Variants in BPTF observed in about 807,000 individuals in gnomAD.
The protein encoded by BPTF is nucleosome-remodeling factor subunit BPTF.
A neutral mutation model predicts 292.5 loss-of-function variants in BPTF; 18 were observed. The observed-to-expected ratio is 0.06, with a 90% CI of 0.04 to 0.09. The LOEUF (loss-of-function observed/expected upper bound fraction) is 0.09, where lower values mean the gene tolerates loss of function less well. Among genes scored for constraint, BPTF ranks in the 10% least tolerant of loss-of-function variants. The probability of loss-of-function intolerance (pLI) is 1.00; values close to 1 mark genes in which losing one functional copy is unlikely to be tolerated. For missense variants in BPTF, 2,726 were observed against 3,498.7 expected (o/e 0.78, Z 5.57); for synonymous variants, 1,225 against 1,251.9 (o/e 0.98, Z 0.45).
intron 2 of BPTF, among the ~76,000 whole-genome samples, chr17:67,863,528 C>T (rs1441532985): frequency 6.6e-6 from 1 of 152,222 alleles, no homozygotes; most frequent in Non-Finnish European, 1.5e-5. Context: ...TTGTGATCTG[C>T]CCGCCTTGGC....
Position 67,945,511 on chromosome 17 carries a change from C to T in BPTF, c.6803C>T (p.Ala2268Val). 1 of 1,614,098 alleles carries T rather than the reference C, an allele frequency of 6.2e-7. No homozygotes were observed. The highest frequency in any genetic ancestry group is 8.5e-7 in the Non-Finnish European group (1 of 1,180,034). Residue 2268 changes from alanine to valine, a missense_variant, in exon 21 of 28, where the codon GCC (alanine) becomes GTC (valine). This residue lies in a region of BPTF where 570 missense variants were observed against 633.5 expected (regional missense o/e 0.90). Coordinates refer to ENST00000306378, the MANE Select transcript of BPTF (RefSeq NM_182641.4). ...AQSSSVGPAE[A>V]QPQTAQPSAQ... Reference sequence around the variant, plus strand: ...TCATCAAGTGTGGGTCCAGCAGAAGCCCAGCCACAGACTGCTCAGCCTTCA... The same window carrying T: ...TCATCAAGTGTGGGTCCAGCAGAAGTCCAGCCACAGACTGCTCAGCCTTCA...
At position 67,879,662 on chromosome 17, in the gene BPTF, ATC is replaced by A. The variant is rs541339581; in HGVS notation, c.1864+4644_1864+4645del. On this transcript the variant is annotated intron_variant, in intron 4 of 27. Transcript: ENST00000306378. ...ACTGTACAAGAAGCATGGTACTGAC[ATC>A]TGCATCTGGTGAGGGCCTTATGATG... Among the ~76,000 whole-genome samples, 191 of 152,320 alleles carry A rather than the reference ATC, an allele frequency of 1.3e-3. 8 individuals carry two copies. In the East Asian group the frequency reaches 0.034, roughly 27 times the overall value.
At chr17:67,972,797 A>G (rs1160995147) in intron 26 of BPTF, among the ~76,000 whole-genome samples, 1 of 151,762 alleles carries the variant, frequency 6.6e-6, no homozygotes, top group Non-Finnish European at 1.5e-5. Context: ...TAAAATGAAA[A>G]TTAGTCAAGC....
chr17:67,838,625 C>A (rs187478035), intron 1 of BPTF, among the ~76,000 whole-genome samples: 2 of 152,088 alleles, frequency 1.3e-5, no homozygotes, highest in Admixed American at 6.5e-5. Context: ...TACAGGTGCT[C>A]GCTGCCATGC....
chr17:67,907,316 A>G (rs987890490), intron 9 of BPTF, among the ~76,000 whole-genome samples: 1 of 151,274 alleles, frequency 6.6e-6, no homozygotes, highest in African/African-American at 2.4e-5. Context: ...TACAAAGAGA[A>G]TAATGAACTC....
intron 11 of BPTF, among the ~76,000 whole-genome samples, chr17:67,916,129 C>T (rs1009502220): frequency 2.0e-5 from 3 of 152,180 alleles, no homozygotes; most frequent in Admixed American, 1.3e-4. Flanking sequence ...TTAACATTTC[C>T]CCTCTGATTT....
intron 3 of BPTF, among the ~76,000 whole-genome samples, chr17:67,870,669 AG>A (rs1016662345): frequency 6.6e-6 from 1 of 152,060 alleles, no homozygotes; most frequent in African/African-American, 2.4e-5. Context: ...TTCTGATAAT[AG>A]CCAAGAATAA....
At chr17:67,886,142 A>T (rs752138287) in intron 4 of BPTF, 2 of 1,575,954 alleles carry the variant, frequency 1.3e-6, no homozygotes, top group East Asian at 4.5e-5. Flanking sequence ...ACCTAACAAG[A>T]CATGTGAGAG....
chr17:67,919,548 A>AT, intron 12 of BPTF, among the ~76,000 whole-genome samples: 1 of 151,574 alleles, frequency 6.6e-6, no homozygotes. Context: ...CTTAAAAAAA[A>AT]TTTTTTTTTC....
At chr17:67,849,488 A>G (rs900780022) in intron 1 of BPTF, among the ~76,000 whole-genome samples, 4 of 152,160 alleles carry the variant, frequency 2.6e-5, no homozygotes, top group Admixed American at 6.5e-5. Context: ...ATGACATTCA[A>G]TGAATAGCAA....
intron 4 of BPTF, among the ~76,000 whole-genome samples, chr17:67,883,860 A>G (rs2060578222): frequency 2.0e-5 from 3 of 152,106 alleles, no homozygotes; most frequent in Admixed American, 2.0e-4. Flanking sequence ...TGGCCTCCCA[A>G]AGTACTGCGA....
chr17:67,868,816 A>C (rs1368701203), intron 3 of BPTF, among the ~76,000 whole-genome samples: 2 of 152,196 alleles, frequency 1.3e-5, no homozygotes, highest in African/African-American at 4.8e-5. Flanking sequence ...CTGTGAATTC[A>C]TGCGTATTTT....
chr17:67,825,914 C>T lies in BPTF; in HGVS notation c.190C>T (p.Leu64=). The change falls in exon 1 of 28, where the codon CTG becomes TTG. Residue 64 remains leucine, a synonymous_variant. Transcript: ENST00000306378. The part of the protein sequence containing the change: ...AQAEVAPKTR[L]SSPRGGSSSR... The stretch of plus-strand genomic sequence containing the variant: ...GGCTGAGGTGGCGCCCAAGACGCGG[C>T]TGAGCTCGCCCAGGGGGGGCAGCAG... 2 of 1,014,500 alleles carry T rather than the reference C, an allele frequency of 2.0e-6. No individual in the cohort carries two copies. Among genetic ancestry groups the T allele is most frequent in the Non-Finnish European group, 1.2e-6 (1 of 850,710 alleles). 62.8% of individuals were successfully genotyped at this position (1,014,500 alleles called of 1,614,324 possible).
In BPTF at chr17:67,910,973, G is replaced by A; in HGVS notation, c.3089G>A (p.Cys1030Tyr). 1 of 1,614,072 alleles carries A rather than the reference G, an allele frequency of 6.2e-7. No homozygotes were observed. The highest frequency in any genetic ancestry group is 1.3e-5 in the African/African-American group (1 of 75,020). ...DDMKTESHVNCQESSQVDVVN... is the reference protein window; with the variant it reads ...DDMKTESHVNYQESSQVDVVN... ...ATGAAAACAGAGTCACATGTAAATT[G>A]TCAGGAGAGTTCTCAAGTAGATGTG... is the stretch of plus-strand genomic sequence containing the variant. The change falls in exon 11 of 28, where the codon TGT becomes TAT. Residue 1030 changes from cysteine (C) to tyrosine (Y), a missense_variant. Cys to Tyr is a radical substitution (Grantham distance 194). Coordinates refer to ENST00000306378, the MANE Select transcript of BPTF (RefSeq NM_182641.4).
intron 4 of BPTF, among the ~76,000 whole-genome samples, chr17:67,886,781 A>T (rs1567981382): frequency 6.6e-6 from 1 of 152,196 alleles, no homozygotes; most frequent in Admixed American, 6.5e-5. Context: ...TCAGTGATAC[A>T]TGGAGAGAAT....
At chr17:67,976,952 T>TA (rs1387242271) in intron 27 of BPTF, among the ~76,000 whole-genome samples, 1 of 152,094 alleles carries the variant, frequency 6.6e-6, no homozygotes, top group Non-Finnish European at 1.5e-5. Flanking sequence ...CACCCCTACA[T>TA]ACATCGCTAT....
chr17:67,968,923 T>C (rs1331969193), intron 26 of BPTF, among the ~76,000 whole-genome samples: 2 of 150,818 alleles, frequency 1.3e-5, no homozygotes, highest in African/African-American at 4.9e-5. Flanking sequence ...AGAGGTTGCA[T>C]TGAGCCGAGA....
At chr17:67,873,196 G>A (rs1376315653) in intron 3 of BPTF, among the ~76,000 whole-genome samples, 6 of 152,062 alleles carry the variant, frequency 3.9e-5, no homozygotes, top group South Asian at 2.1e-4. Flanking sequence ...AGTGGCTCAC[G>A]CCTGTAATCC....
chr17:67,835,663 ATTTT>A (rs142633440), intron 1 of BPTF, among the ~76,000 whole-genome samples: 1 of 141,230 alleles, frequency 7.1e-6, no homozygotes, highest in African/African-American at 2.7e-5. Context: ...AGTCCTGGTA[ATTTT>A]TTTTTTTTTT....
Sources: allele counts gnomAD v4.1 joint callset (sites outside exome capture counted in the v4.1 genomes callset), GRCh38; gene constraint gnomAD v4.1.1; regional missense constraint gnomAD v4.1.1; transcripts MANE v1.5; gene names NCBI Gene and HGNC (gene_info 2026-07-23, HGNC 2026-07-21).